Variants in RBFOX1 observed in about 807,000 individuals in gnomAD.
RBFOX1 encodes the protein RNA binding protein fox-1 homolog 1.
A neutral mutation model predicts 57.7 loss-of-function variants in RBFOX1; 8 were observed. The ratio of observed to expected loss-of-function variants is 0.14; its 90% CI spans 0.08 to 0.25. The LOEUF is 0.25. Among genes scored for constraint, RBFOX1 ranks in the 10% least tolerant of loss-of-function variants. The pLI, the probability that RBFOX1 is intolerant of heterozygous loss-of-function variation, is 1.00. For missense variants in RBFOX1, 611 were observed against 548.5 expected, an observed-to-expected ratio of 1.11 and a Z score of -1.14; for synonymous variants, 326 against 222.4, an observed-to-expected ratio of 1.47 and a Z score of -4.15.
Position 7,178,425 on chromosome 16 carries a change from A to G in RBFOX1, c.27+126327A>G, listed in dbSNP as rs539282503. On this transcript the variant is annotated intron_variant, in intron 4 of 15. Transcript: ENST00000550418. Reference sequence around the variant, plus strand: ...ACAATCTTCCCAAGTTCGCAGGAGGAGAGAGAAATTGGATATGGGTAAACA... The same window carrying G: ...ACAATCTTCCCAAGTTCGCAGGAGGGGAGAGAAATTGGATATGGGTAAACA... Among the ~76,000 whole-genome samples the G allele has an allele frequency of 2.0e-3, 310 of 152,324 alleles. 1 individual carries two copies. Among genetic ancestry groups the G allele is most frequent in the Non-Finnish European group, 3.4e-3 (232 of 68,024 alleles).
intron 4 of RBFOX1, among the ~76,000 whole-genome samples, chr16:7,426,144 T>C (rs2098608948): frequency 6.6e-6 from 1 of 152,218 alleles, no homozygotes; most frequent in Non-Finnish European, 1.5e-5. Flanking sequence ...TGGCCCACCC[T>C]TGCCTAGGCA....
intron 2 of RBFOX1, among the ~76,000 whole-genome samples, chr16:6,549,229 A>G (rs1396820388): frequency 1.3e-4 from 1 of 7,972 alleles, no homozygotes; most frequent in East Asian, 2.3e-3. Context: ...GGAGGGAGGA[A>G]GAGGGGAGGA....
intron 2 of RBFOX1, among the ~76,000 whole-genome samples, chr16:6,563,208 C>G (rs949990649): frequency 1.3e-5 from 2 of 152,152 alleles, no homozygotes; most frequent in Non-Finnish European, 2.9e-5. Flanking sequence ...GTCCATGGCA[C>G]TGCGTGACTT....
intron 2 of RBFOX1, among the ~76,000 whole-genome samples, chr16:5,580,832 G>A (rs908660570): frequency 1.3e-5 from 2 of 152,186 alleles, no homozygotes; most frequent in South Asian, 4.1e-4. Context: ...CATTTACATG[G>A]TCACCTGTCT....
intron 13 of RBFOX1, among the ~76,000 whole-genome samples, chr16:7,675,026 C>G (rs980355835): frequency 5.3e-5 from 8 of 152,200 alleles, no homozygotes; most frequent in Admixed American, 5.2e-4. Context: ...TCATACCACA[C>G]ACATTCTCTC....
chr16:7,436,995 C>G (rs547048804), intron 4 of RBFOX1, among the ~76,000 whole-genome samples: 2 of 152,284 alleles, frequency 1.3e-5, no homozygotes, highest in South Asian at 2.1e-4. Flanking sequence ...GTAGGAGAAT[C>G]TCTTAAACCC....
At chr16:5,719,281 A>C (rs1473559234) in intron 3 of RBFOX1, among the ~76,000 whole-genome samples, 1 of 148,160 alleles carries the variant, frequency 6.7e-6, no homozygotes, top group African/African-American at 2.5e-5. Flanking sequence ...GGCTCACTGC[A>C]AGCTCCGCCC....
At chr16:7,703,759 T>A (rs12448737) in intron 14 of RBFOX1, among the ~76,000 whole-genome samples, 1 of 151,980 alleles carries the variant, frequency 6.6e-6, no homozygotes, top group Non-Finnish European at 1.5e-5. Flanking sequence ...TGCATACTTA[T>A]TCATTTTGCT....
At chr16:5,401,785 CCTCCTCCTCTTT>C (rs1241376556) in intron 1 of RBFOX1, among the ~76,000 whole-genome samples, 1 of 150,468 alleles carries the variant, frequency 6.6e-6, no homozygotes, top group African/African-American at 2.4e-5. Context: ...TCCTCCTCCT[CCTCCTCCTCTTT>C]CTCCTCCTCC....
At chr16:7,527,840 C>T (rs574420765) in intron 5 of RBFOX1, among the ~76,000 whole-genome samples, 6 of 152,164 alleles carry the variant, frequency 3.9e-5, no homozygotes, top group South Asian at 4.1e-4. Context: ...TCCTTGGTTC[C>T]GAGTTCTTCA....
chr16:6,758,434 A>G (rs1468633939), intron 3 of RBFOX1, among the ~76,000 whole-genome samples: 1 of 152,184 alleles, frequency 6.6e-6, no homozygotes, highest in East Asian at 1.9e-4. Context: ...GAGTTGACAA[A>G]TTACAATTGA....
At chr16:7,521,284 A>G (rs1466179642) in intron 5 of RBFOX1, among the ~76,000 whole-genome samples, 1 of 152,200 alleles carries the variant, frequency 6.6e-6, no homozygotes. Flanking sequence ...GTGGCAAAAG[A>G]TGAACCGGGA....
At chr16:7,392,278 C>T (rs1015600957) in intron 4 of RBFOX1, among the ~76,000 whole-genome samples, 2 of 152,162 alleles carry the variant, frequency 1.3e-5, no homozygotes, top group African/African-American at 2.4e-5. Context: ...CCCCTGTAGT[C>T]CCCTTGTATA....
At chr16:7,528,983 G>C (rs1187588862) in intron 5 of RBFOX1, among the ~76,000 whole-genome samples, 2 of 152,204 alleles carry the variant, frequency 1.3e-5, no homozygotes, top group East Asian at 3.8e-4. Flanking sequence ...GGAAGGCCAG[G>C]CACAGTGGCT....
chr16:5,782,268 C>T (rs753677452), intron 3 of RBFOX1, among the ~76,000 whole-genome samples: 1 of 152,164 alleles, frequency 6.6e-6, no homozygotes, highest in Non-Finnish European at 1.5e-5. Context: ...GGTGTCAGCA[C>T]GTTTGGTATC....
chr16:6,257,303 G>T (rs1483647612), intron 1 of RBFOX1, among the ~76,000 whole-genome samples: 1 of 151,976 alleles, frequency 6.6e-6, no homozygotes, highest in African/African-American at 2.4e-5. Flanking sequence ...TATTAAAAAT[G>T]GCCCCTCAGC....
At chr16:6,808,963 C>G (rs373198282) in intron 3 of RBFOX1, among the ~76,000 whole-genome samples, 1 of 152,276 alleles carries the variant, frequency 6.6e-6, no homozygotes, top group African/African-American at 2.4e-5. Flanking sequence ...ATATTTGAGT[C>G]CTTGTGGATG....
chr16:6,737,392 T>A (rs768128164), intron 3 of RBFOX1, among the ~76,000 whole-genome samples: 1 of 152,180 alleles, frequency 6.6e-6, no homozygotes, highest in Non-Finnish European at 1.5e-5. Flanking sequence ...AGAAGAAATA[T>A]TGGGCCTTCA....
chr16:6,417,292 G>A (rs2093649853), intron 2 of RBFOX1, among the ~76,000 whole-genome samples: 1 of 151,914 alleles, frequency 6.6e-6, no homozygotes. Context: ...TTACAGGCGT[G>A]AGCCACCATG....
Sources: allele counts gnomAD v4.1 joint callset (sites outside exome capture counted in the v4.1 genomes callset), GRCh38; gene constraint gnomAD v4.1.1; transcripts MANE v1.5; gene names NCBI Gene and HGNC (gene_info 2026-07-23, HGNC 2026-07-21).